The following MYOD1 variants were observed in gnomAD, a reference collection of about 807,000 sequenced individuals.
The protein encoded by MYOD1 is myogenic differentiation 1.
MYOD1 carries 15 observed loss-of-function variants against 14.9 expected under a neutral mutation model. The observed-to-expected ratio is 1.01, with a 90% CI of 0.67 to 1.55. MYOD1 has a LOEUF of 1.55. MYOD1 is among the 40% of genes most tolerant of loss of function. The pLI, the probability that MYOD1 is intolerant of heterozygous loss-of-function variation, is 0.00. For missense variants in MYOD1, 529 were observed against 482.6 expected, an observed-to-expected ratio of 1.10 and a Z score of -0.90; for synonymous variants, 235 against 218.6, an observed-to-expected ratio of 1.07 and a Z score of -0.66.
In MYOD1 at chr11:17,720,394, C is replaced by T; in HGVS notation, c.612C>T (p.Ser204=). The T allele has an allele frequency of 1.3e-6, 2 of 1,564,686 alleles. No homozygotes were observed. The highest frequency in any genetic ancestry group is 1.7e-6 in the Non-Finnish European group (2 of 1,165,696). The change falls in exon 1 of 3, where the codon TCC becomes TCT. Residue 204 remains serine, a synonymous_variant. Coordinates refer to ENST00000250003, the MANE Select transcript of MYOD1 (RefSeq NM_002478.5). ...ACTCCGACGCGTCCAGCCCGCGCTC[C>T]AACTGCTCCGACGGCATGGTAAGGC... ...SGDSDASSPR[S]NCSDGMMDYS...
chr11:17,720,088 G>A lies in MYOD1; in HGVS notation c.306G>A (p.Lys102=). 1.3e-6 allele frequency: 2 copies of A among 1,572,708 alleles called. No homozygotes were observed. The highest frequency in any genetic ancestry group is 2.4e-5 in the East Asian group (1 of 42,244). ...TACTGTGGGCCTGCAAGGCGTGCAA[G>A]CGCAAGACCACCAACGCCGACCGCC... The part of the protein sequence containing the change: ...RCLLWACKAC[K]RKTTNADRRK... Residue 102 remains lysine (K), a synonymous_variant, in exon 1 of 3, where the codon AAG becomes AAA. Coordinates refer to ENST00000250003, the MANE Select transcript of MYOD1 (RefSeq NM_002478.5).
Position 17,721,497 on chromosome 11 carries a change from C to G in MYOD1, c.952C>G (p.Gln318Glu). Residue 318 changes from glutamine to glutamate, a missense_variant, in exon 3 of 3, where the codon CAG becomes GAG. Physicochemically the swap from Gln to Glu is conservative, Grantham distance 29. Coordinates refer to ENST00000250003, the MANE Select transcript of MYOD1 (RefSeq NM_002478.5). The surrounding 1 kb of genome is among the most constrained non-coding windows in gnomAD (Gnocchi z 6.2). ...GGGTGCGAACCCCAACCCGATATAC[C>G]AGGTGCTCTGAGGGGATGGTGGCCG... ...PAGANPNPIY[Q>E]VL 6.4e-7 allele frequency: 1 copy of G among 1,555,832 alleles called. No homozygotes were observed. Among genetic ancestry groups the G allele is most frequent in the African/African-American group, 1.4e-5 (1 of 73,104 alleles).
intron 1 of MYOD1, among the ~76,000 whole-genome samples, chr11:17,720,644 C>A (rs1391243185): frequency 1.3e-5 from 2 of 152,230 alleles, no homozygotes; most frequent in African/African-American, 2.4e-5. Context: ...GCAGCGCGAA[C>A]GTGAAGATCT....
In MYOD1 at chr11:17,721,892, T is replaced by C. The variant is rs1848642600; in HGVS notation, c.*384T>C. On this transcript the variant is annotated 3_prime_UTR_variant, in exon 3 of 3. Coordinates refer to ENST00000250003, the MANE Select transcript of MYOD1 (RefSeq NM_002478.5). This position sits in a 1 kb window ranked among gnomAD's most constrained non-coding sequence, Gnocchi z 6.2. Reference sequence around the variant, plus strand: ...AGACCCAGTGCACTCCGGTCCCAAATGTAGCAGGTGTAACCGTAACCCACC... The same window carrying C: ...AGACCCAGTGCACTCCGGTCCCAAACGTAGCAGGTGTAACCGTAACCCACC... 1 of 277,500 alleles carries C rather than the reference T, an allele frequency of 3.6e-6. No homozygotes were observed. Among genetic ancestry groups the C allele is most frequent in the African/African-American group, 2.1e-5 (1 of 46,810 alleles). The allele number at this position is 277,500 out of a possible 1,614,324, so 17.2% of individuals were successfully genotyped here.
Position 17,722,012 on chromosome 11 carries a change from G to A in MYOD1, c.*504G>A, listed in dbSNP as rs1370547654. The A allele has an allele frequency of 4.7e-6, 1 of 212,746 alleles. No homozygotes were observed. The highest frequency in any genetic ancestry group is 7.0e-5 in the East Asian group (1 of 14,262). 13.2% of individuals were successfully genotyped at this position (212,746 alleles called of 1,614,324 possible). On this transcript the variant is annotated 3_prime_UTR_variant, in exon 3 of 3. Coordinates refer to ENST00000250003, the MANE Select transcript of MYOD1 (RefSeq NM_002478.5). ...TGCTTTGCCAGAGCAGGAGCCCCTG[G>A]GGCTGTATTTATCTCTGAGGCATGG...
chr11:17,721,336 C>G lies in MYOD1; in HGVS notation c.791C>G (p.Pro264Arg). The change falls in exon 3 of 3, where the codon CCT becomes CGT. Residue 264 changes from proline (P) to arginine (R), a missense_variant. Pro to Arg is a moderately radical substitution (Grantham distance 103). Transcript: ENST00000250003. The surrounding 1 kb of genome is among the most constrained non-coding windows in gnomAD (Gnocchi z 6.2). ...SIVERISTES[P>R]AAPALLLADV... Reference sequence around the variant, plus strand: ...GTGGAGCGCATCTCCACCGAGAGCCCTGCGGCGCCCGCCCTCCTGCTGGCG... The same window carrying G: ...GTGGAGCGCATCTCCACCGAGAGCCGTGCGGCGCCCGCCCTCCTGCTGGCG... 6.3e-7 allele frequency: 1 copy of G among 1,594,256 alleles called. No homozygotes were observed. The highest frequency in any genetic ancestry group is 1.3e-5 in the African/African-American group (1 of 74,796).
rs556612375 is a variant in MYOD1 at position 17,721,222 on chromosome 11, C to T, written c.710-33C>T. ...GGGTGGGAGGCTTGTCGCGGCCCCACCCCTGCTTACTAACCGAGCCCTCCC... is the reference window on the plus strand; with the variant it reads ...GGGTGGGAGGCTTGTCGCGGCCCCATCCCTGCTTACTAACCGAGCCCTCCC... On this transcript the variant is annotated intron_variant, in intron 2 of 2. Transcript: ENST00000250003. The surrounding 1 kb of genome is among the most constrained non-coding windows in gnomAD (Gnocchi z 6.2). The T allele has an allele frequency of 5.9e-5, 89 of 1,497,258 alleles. 1 individual carries two copies. In the South Asian group the frequency reaches 7.9e-4, roughly 13 times the overall value. 92.7% of individuals were successfully genotyped at this position (1,497,258 alleles called of 1,614,324 possible).
In MYOD1 at chr11:17,721,038, C is replaced by T; in HGVS notation, c.709+58C>T. On this transcript the variant is annotated intron_variant, in intron 2 of 2. Transcript: ENST00000250003. This position sits in a 1 kb window ranked among gnomAD's most constrained non-coding sequence, Gnocchi z 6.2. ...TCCTCCTTCATGGAGCTGTCCTGGC[C>T]TCTATCTAGGACGCTCCCACCCCCA... 1 of 1,498,652 alleles carries T rather than the reference C, an allele frequency of 6.7e-7. No individual in the cohort carries two copies. 92.8% of individuals were successfully genotyped at this position (1,498,652 alleles called of 1,614,324 possible).
intron 1 of MYOD1, 130 bp from the exon 2 acceptor site, chr11:17,720,772 C>G (rs771282648): frequency 2.7e-5 from 28 of 1,029,172 alleles, no homozygotes; most frequent in Middle Eastern, 6.4e-4. Flanking sequence ...AATTACCCCC[C>G]CAACCAGGAC....
rs563287110 is a variant in MYOD1, at chr11:17,720,126, C to G, written c.344C>G (p.Thr115Ser). ...TTNADRRKAA[T>S]MRERRRLSKV... ...AACGCCGACCGCCGCAAGGCCGCCACCATGCGCGAGCGGCGCCGCCTGAGC... is the reference window on the plus strand; with the variant it reads ...AACGCCGACCGCCGCAAGGCCGCCAGCATGCGCGAGCGGCGCCGCCTGAGC... Residue 115 changes from threonine to serine, a missense_variant, in exon 1 of 3, where the codon ACC (threonine) becomes AGC (serine). Thr to Ser is a moderately conservative substitution (Grantham distance 58). Coordinates refer to ENST00000250003, the MANE Select transcript of MYOD1 (RefSeq NM_002478.5). 6.3e-7 allele frequency: 1 copy of G among 1,593,110 alleles called. No homozygotes were observed. Among genetic ancestry groups the G allele is most frequent in the South Asian group, 1.1e-5 (1 of 88,544 alleles).
Position 17,719,727 on chromosome 11 carries a change from ACT to A in MYOD1, c.-51_-50del. 6.5e-7 allele frequency: 1 copy of A among 1,546,002 alleles called. No individual in the cohort carries two copies. Among genetic ancestry groups the A allele is most frequent in the East Asian group, 2.3e-5 (1 of 44,158 alleles). On this transcript the variant is annotated 5_prime_UTR_variant, in exon 1 of 3. Transcript: ENST00000250003. ...TCCCGAGCGGCAGAAAGTTCCGGCCACTCTCTGCCGCTTGGGTTGGGCGAAGC... is the reference window on the plus strand; with the variant it reads ...TCCCGAGCGGCAGAAAGTTCCGGCCACTCTGCCGCTTGGGTTGGGCGAAGC...
chr11:17,719,609 T>C lies in MYOD1; in HGVS notation c.-174T>C. On this transcript the variant is annotated 5_prime_UTR_variant, in exon 1 of 3. Coordinates refer to ENST00000250003, the MANE Select transcript of MYOD1 (RefSeq NM_002478.5). Reference sequence around the variant, plus strand: ...CCCTGGGGCGCTGCCGCCGCTTTCCTTAACCACAAATCAGGCCGGACAGGA... The same window carrying C: ...CCCTGGGGCGCTGCCGCCGCTTTCCCTAACCACAAATCAGGCCGGACAGGA... 2.4e-6 allele frequency: 2 copies of C among 846,664 alleles called. No homozygotes were observed. Among genetic ancestry groups the C allele is most frequent in the South Asian group, 1.9e-5 (1 of 51,974 alleles). The allele number at this position is 846,664 out of a possible 1,614,324, so 52.4% of individuals were successfully genotyped here.
At position 17,721,263 on chromosome 11, in the gene MYOD1, C is replaced by T. The variant is rs972426310; in HGVS notation, c.718C>T (p.Pro240Ser). The T allele has an allele frequency of 1.3e-6, 2 of 1,559,448 alleles. No homozygotes were observed. The highest frequency in any genetic ancestry group is 1.4e-5 in the African/African-American group (1 of 73,502). The change falls in exon 3 of 3, where the codon CCC becomes TCC. Residue 240 changes from proline (P) to serine (S), a missense_variant. By Grantham distance (74) the Pro-to-Ser change is moderately conservative (BLOSUM62 -1). Transcript: ENST00000250003. The surrounding 1 kb of genome is among the most constrained non-coding windows in gnomAD (Gnocchi z 6.2). ...GAGCCCTCCCCGCGCAGAACCCAGG[C>T]CCGGGAAGAGTGCGGCGGTGTCGAG... ...YYNEAPSEPRPGKSAAVSSLD... is the reference protein window; with the variant it reads ...YYNEAPSEPRSGKSAAVSSLD...
rs1241501765 is a variant in MYOD1 at position 17,721,413 on chromosome 11, G to A, written c.868G>A (p.Glu290Lys). ...CAGGCAAGAGGCTGCCGCCCCCAGC[G>A]AGGGAGAGAGCAGCGGCGACCCCAC... ...PRRQEAAAPS[E>K]GESSGDPTQS... is the part of the protein sequence containing the mutation. Residue 290 changes from glutamate (E) to lysine (K), a missense_variant, in exon 3 of 3, where the codon GAG (glutamate) becomes AAG (lysine). Coordinates refer to ENST00000250003, the MANE Select transcript of MYOD1 (RefSeq NM_002478.5). This position sits in a 1 kb window ranked among gnomAD's most constrained non-coding sequence, Gnocchi z 6.2. 3.1e-6 allele frequency: 5 copies of A among 1,598,654 alleles called. No individual in the cohort carries two copies. Among genetic ancestry groups the A allele is most frequent in the South Asian group, 1.1e-5 (1 of 90,732 alleles).
chr11:17,721,266 G>T lies in MYOD1; in HGVS notation c.721G>T (p.Gly241Trp), dbSNP rs775557781. Residue 241 changes from glycine to tryptophan, a missense_variant, in exon 3 of 3, where the codon GGG becomes TGG. Physicochemically the swap from Gly to Trp is radical, Grantham distance 184. Coordinates refer to ENST00000250003, the MANE Select transcript of MYOD1 (RefSeq NM_002478.5). The surrounding 1 kb of genome is among the most constrained non-coding windows in gnomAD (Gnocchi z 6.2). ...YNEAPSEPRP[G>W]KSAAVSSLDC... Reference sequence around the variant, plus strand: ...CCCTCCCCGCGCAGAACCCAGGCCCGGGAAGAGTGCGGCGGTGTCGAGCCT... The same window carrying T: ...CCCTCCCCGCGCAGAACCCAGGCCCTGGAAGAGTGCGGCGGTGTCGAGCCT... The T allele has an allele frequency of 5.8e-6, 9 of 1,559,474 alleles. No individual in the cohort carries two copies. Among genetic ancestry groups the T allele is most frequent in the Admixed American group, 3.7e-5 (2 of 54,606 alleles).
At position 17,721,833 on chromosome 11, in the gene MYOD1, G is replaced by A. The variant is rs1042503917; in HGVS notation, c.*325G>A. 18 of 341,846 alleles carry A rather than the reference G, an allele frequency of 5.3e-5. No homozygotes were observed. In the Middle Eastern group the frequency reaches 2.2e-3, roughly 41 times the overall value. 21.2% of individuals were successfully genotyped at this position (341,846 alleles called of 1,614,324 possible). A position where few individuals can be genotyped will look rare whatever the true frequency, so the allele number is the denominator to read the frequency against. On this transcript the variant is annotated 3_prime_UTR_variant, in exon 3 of 3. Transcript: ENST00000250003. This position sits in a 1 kb window ranked among gnomAD's most constrained non-coding sequence, Gnocchi z 6.2. ...TGAGACCCTCGCAGACCTAAGCCCT[G>A]CCCCGGGATGCACCGGTTATTTGGG...
intron 1 of MYOD1, 97 bp downstream of exon 1, chr11:17,720,509 TG>T (rs1410647290): frequency 5.7e-6 from 8 of 1,403,552 alleles, no homozygotes; most frequent in Non-Finnish European, 6.5e-6. Flanking sequence ...GCGGGAGGTT[TG>T]GGCCAGGATC....
chr11:17,720,228 T>C lies in MYOD1; in HGVS notation c.446T>C (p.Ile149Thr). ...NPNQRLPKVEILRNAIRYIEG... is the reference protein window; with the variant it reads ...NPNQRLPKVETLRNAIRYIEG... ...AACCAGCGGTTGCCCAAGGTGGAGA[T>C]CCTGCGCAACGCCATCCGCTATATC... Residue 149 changes from isoleucine to threonine, a missense_variant, in exon 1 of 3, where the codon ATC becomes ACC. By Grantham distance (89) the Ile-to-Thr change is moderately conservative. Transcript: ENST00000250003. 1 of 1,608,510 alleles carries C rather than the reference T, an allele frequency of 6.2e-7. No homozygotes were observed. The highest frequency in any genetic ancestry group is 8.5e-7 in the Non-Finnish European group (1 of 1,178,322).
Position 17,721,158 on chromosome 11 carries a change from G to C in MYOD1, c.710-97G>C. The C allele has an allele frequency of 7.0e-7, 1 of 1,437,768 alleles. No individual in the cohort carries two copies. Among genetic ancestry groups the C allele is most frequent in the East Asian group, 2.5e-5 (1 of 39,416 alleles). 89.1% of individuals were successfully genotyped at this position (1,437,768 alleles called of 1,614,324 possible). A position where few individuals can be genotyped will look rare whatever the true frequency, so the allele number is the denominator to read the frequency against. Reference sequence around the variant, plus strand: ...TGGATTGTCCCGGACTCTAACTAAAGTCCTCAGTTTCCAATCTGTCTCAAA... The same window carrying C: ...TGGATTGTCCCGGACTCTAACTAAACTCCTCAGTTTCCAATCTGTCTCAAA... On this transcript the variant is annotated intron_variant, in intron 2 of 2. Transcript: ENST00000250003. This position sits in a 1 kb window ranked among gnomAD's most constrained non-coding sequence, Gnocchi z 6.2.
Sources: gnomAD v4.1 joint callset for allele counts (sites outside exome capture counted in the v4.1 genomes callset) on GRCh38, gnomAD v4.1.1 for gene constraint, Gnocchi (gnomAD v3.1) non-coding constraint, MANE v1.5 for transcripts, NCBI Gene and HGNC (gene_info 2026-07-23, HGNC 2026-07-21) for gene names.